Variants in ENOX1 observed in about 807,000 individuals in gnomAD.
The protein encoded by ENOX1 is ecto-NOX disulfide-thiol exchanger 1.
A neutral mutation model predicts 82.5 loss-of-function variants in ENOX1; 42 were observed. The ratio of observed to expected loss-of-function variants is 0.51; its 90% CI spans 0.40 to 0.66. ENOX1 has a LOEUF of 0.66. Ranked by LOEUF, ENOX1 falls within the 30% of genes least tolerant of loss-of-function variation. The probability of loss-of-function intolerance (pLI) is 0.00; values close to 1 mark genes in which losing one functional copy is unlikely to be tolerated. For missense variants in ENOX1, 608 were observed against 811.6 expected (o/e 0.75, Z 3.05); for synonymous variants, 271 against 282.2 (o/e 0.96, Z 0.40).
chr13:43,439,321 C>T (rs9594940), intron 3 of ENOX1, among the ~76,000 whole-genome samples: 32,308 of 151,640 alleles, frequency 0.21, 3,779 homozygotes, highest in Middle Eastern at 0.31. Flanking sequence ...CAACCTCTGC[C>T]TCCCAGGTTC....
intron 5 of ENOX1, among the ~76,000 whole-genome samples, chr13:43,383,691 T>C (rs1009509643): frequency 7.9e-5 from 12 of 152,170 alleles, no homozygotes; most frequent in African/African-American, 2.9e-4. Flanking sequence ...GGGCTGCAAT[T>C]ACAGAAAGGA....
At chr13:43,231,811 C>T (rs1380187466) in intron 15 of ENOX1, among the ~76,000 whole-genome samples, 1 of 152,216 alleles carries the variant, frequency 6.6e-6, no homozygotes, top group Non-Finnish European at 1.5e-5. Flanking sequence ...CATCTTTCCA[C>T]CATCAGTTAA....
At chr13:43,409,790 T>C (rs1424789304) in intron 5 of ENOX1, among the ~76,000 whole-genome samples, 1 of 152,146 alleles carries the variant, frequency 6.6e-6, no homozygotes, top group African/African-American at 2.4e-5. Context: ...TTCAGTATGA[T>C]TGAAATACAC....
At chr13:43,672,416 A>G (rs2085311975) in intron 1 of ENOX1, among the ~76,000 whole-genome samples, 1 of 152,166 alleles carries the variant, frequency 6.6e-6, no homozygotes, top group Non-Finnish European at 1.5e-5. Context: ...CCACTTTTTC[A>G]TCACCTAGCA....
chr13:43,557,577 C>T (rs759878428), intron 2 of ENOX1, among the ~76,000 whole-genome samples: 2 of 152,096 alleles, frequency 1.3e-5, no homozygotes, highest in Non-Finnish European at 2.9e-5. Flanking sequence ...CTCATTCTGG[C>T]CTAGAAATAG....
At chr13:43,593,550 T>C (rs150093799) in intron 2 of ENOX1, among the ~76,000 whole-genome samples, 1,805 of 151,868 alleles carry the variant, frequency 0.012, 17 homozygotes, top group Non-Finnish European at 0.018. Flanking sequence ...TTATGGAGTG[T>C]TCGTACTCAG....
chr13:43,707,787 C>T (rs1210957959), intron 1 of ENOX1, among the ~76,000 whole-genome samples: 1 of 148,536 alleles, frequency 6.7e-6, no homozygotes, highest in East Asian at 2.0e-4. Context: ...TTTACAGGAC[C>T]TGATTCCAAA....
chr13:43,379,136 C>T (rs769609241), intron 5 of ENOX1, among the ~76,000 whole-genome samples: 15 of 152,154 alleles, frequency 9.9e-5, no homozygotes, highest in South Asian at 2.1e-4. Context: ...AATGCAGCCC[C>T]GATGACATAT....
At chr13:43,498,282 C>A (rs1361012057) in intron 2 of ENOX1, among the ~76,000 whole-genome samples, 1 of 152,048 alleles carries the variant, frequency 6.6e-6, no homozygotes, top group Non-Finnish European at 1.5e-5. Context: ...AGTCTGTTAA[C>A]ATTTTATATG....
chr13:43,724,181 G>A (rs1011134798), intron 1 of ENOX1, among the ~76,000 whole-genome samples: 1 of 152,190 alleles, frequency 6.6e-6, no homozygotes, highest in Non-Finnish European at 1.5e-5. Flanking sequence ...AAATAGAAGT[G>A]TCTACTTTGC....
intron 2 of ENOX1, among the ~76,000 whole-genome samples, chr13:43,600,424 A>G (rs1303894647): frequency 1.3e-5 from 2 of 152,200 alleles, no homozygotes; most frequent in Admixed American, 6.5e-5. Context: ...GGGCAGTGGT[A>G]ACCATGAGGA....
chr13:43,687,466 A>G (rs1470345082), intron 1 of ENOX1, among the ~76,000 whole-genome samples: 2 of 152,096 alleles, frequency 1.3e-5, no homozygotes, highest in Non-Finnish European at 2.9e-5. Context: ...CTGCTTTTGT[A>G]TTCTACAGAG....
At chr13:43,642,757 C>T (rs757751552) in intron 2 of ENOX1, among the ~76,000 whole-genome samples, 3 of 152,214 alleles carry the variant, frequency 2.0e-5, no homozygotes, top group Non-Finnish European at 2.9e-5. Flanking sequence ...GATCCTACAG[C>T]TTTGTGTAGA....
intron 2 of ENOX1, among the ~76,000 whole-genome samples, chr13:43,579,821 C>T (rs762150805): frequency 2.0e-5 from 3 of 152,148 alleles, no homozygotes; most frequent in Non-Finnish European, 4.4e-5. Flanking sequence ...AAAGGAAGAA[C>T]TTAAATTTAT....
chr13:43,509,655 A>T (rs1566414178), intron 2 of ENOX1, among the ~76,000 whole-genome samples: 1 of 152,106 alleles, frequency 6.6e-6, no homozygotes, highest in Non-Finnish European at 1.5e-5. Context: ...CAAATGTCCA[A>T]ATAAGAAAGA....
At chr13:43,355,888 A>C in intron 8 of ENOX1, 31 bp downstream of exon 8, 1 of 1,586,794 alleles carries the variant, frequency 6.3e-7, no homozygotes, top group Non-Finnish European at 8.6e-7. Flanking sequence ...ATCCCTGTGG[A>C]GGAAGAAAAG....
chr13:43,248,350 G>A (rs2043258749), intron 14 of ENOX1, among the ~76,000 whole-genome samples: 1 of 151,872 alleles, frequency 6.6e-6, no homozygotes, highest in African/African-American at 2.4e-5. Context: ...AAGTCTATGA[G>A]GAATATATAT....
intron 2 of ENOX1, among the ~76,000 whole-genome samples, chr13:43,658,843 T>C (rs2084574685): frequency 1.3e-5 from 2 of 152,336 alleles, no homozygotes; most frequent in South Asian, 4.1e-4. Context: ...TAGTTTACCA[T>C]ATCATTTATT....
rs528375472 is a variant in ENOX1 at position 43,265,956 on chromosome 13, G to A, written c.1555-502C>T. 3.9e-5 allele frequency among the ~76,000 whole-genome samples: 6 copies of A among 152,268 alleles called. 1 individual carries two copies. In the East Asian group the frequency reaches 9.6e-4, roughly 24 times the overall value. Reference sequence around the variant, plus strand: ...CTGACATCTCTGGAGGACTAAAGACGGTTGCTTCTTTGGTAGAGAAAGAGT... The same window carrying A: ...CTGACATCTCTGGAGGACTAAAGACAGTTGCTTCTTTGGTAGAGAAAGAGT... On this transcript the variant is annotated intron_variant, in intron 13 of 16. Coordinates refer to ENST00000690772, the MANE Select transcript of ENOX1 (RefSeq NM_001347969.2).
Sources: gnomAD v4.1 joint callset for allele counts (sites outside exome capture counted in the v4.1 genomes callset) on GRCh38, gnomAD v4.1.1 for gene constraint, MANE v1.5 for transcripts, NCBI Gene and HGNC (gene_info 2026-07-23, HGNC 2026-07-21) for gene names.